The following GALNT13 variants were observed in gnomAD, a reference collection of about 807,000 sequenced individuals.
GALNT13 encodes polypeptide N-acetylgalactosaminyltransferase 13.
In GALNT13, 28 loss-of-function variants were observed where a neutral mutation model predicts 64.2. That is an observed-to-expected ratio of 0.44 (90% CI 0.32 to 0.60). The LOEUF is 0.60. GALNT13 is among the 20% of genes least tolerant of loss of function. The pLI is 0.05. For synonymous variants in GALNT13, 214 were observed against 224.6 expected, an observed-to-expected ratio of 0.95 and a Z score of 0.42; for missense variants, 577 against 669.8, an observed-to-expected ratio of 0.86 and a Z score of 1.53.
At chr2:153,106,057 G>A in the GALNT13 span, among the ~76,000 whole-genome samples, 6 of 152,186 alleles carry the variant, frequency 3.9e-5, no homozygotes, top group East Asian at 1.9e-4. Context: ...GTGCACACCC[G>A]AGTGATGCTT....
the GALNT13 span, among the ~76,000 whole-genome samples, chr2:153,704,987 T>C: frequency 1.3e-5 from 2 of 152,324 alleles, no homozygotes; most frequent in East Asian, 1.9e-4. Flanking sequence ...TCATTTATAC[T>C]GATAGTTAAT....
the GALNT13 span, among the ~76,000 whole-genome samples, chr2:153,819,602 A>G: frequency 2.3e-3 from 357 of 152,332 alleles, 5 homozygotes; most frequent in African/African-American, 8.3e-3. Flanking sequence ...AACACTGTCC[A>G]GCCCTTCACC....
intron 2 of GALNT13, among the ~76,000 whole-genome samples, chr2:153,911,642 A>G (rs1338395856): frequency 1.3e-5 from 2 of 152,134 alleles, no homozygotes; most frequent in Non-Finnish European, 2.9e-5. Context: ...TCTGAAAAGC[A>G]TCTTATTTCT....
At chr2:153,108,227 T>C in the GALNT13 span, among the ~76,000 whole-genome samples, 1 of 152,188 alleles carries the variant, frequency 6.6e-6, no homozygotes, top group Non-Finnish European at 1.5e-5. Context: ...CATTTGTTGC[T>C]ATTGCAATAA....
At chr2:154,298,687 A>ATATATAAATTGTATATATAATT (rs1434599986) in intron 8 of GALNT13, among the ~76,000 whole-genome samples, 1 of 111,044 alleles carries the variant, frequency 9.0e-6, no homozygotes, top group African/African-American at 3.5e-5. Flanking sequence ...TATACAATTT[A>ATATATAAATTGTATATATAATT]TATATACATT....
intron 9 of GALNT13, among the ~76,000 whole-genome samples, chr2:154,320,579 A>G (rs182847974): frequency 6.6e-6 from 1 of 152,284 alleles, no homozygotes; most frequent in African/African-American, 2.4e-5. Flanking sequence ...CTGTGTGGGA[A>G]AAATTTCCAA....
chr2:154,444,506 A>C (rs1701464500), intron 12 of GALNT13, among the ~76,000 whole-genome samples: 1 of 152,148 alleles, frequency 6.6e-6, no homozygotes, highest in Non-Finnish European at 1.5e-5. Flanking sequence ...ACTGACACCC[A>C]TAAAGTATCC....
At chr2:153,256,085 C>T in the GALNT13 span, among the ~76,000 whole-genome samples, 1 of 152,214 alleles carries the variant, frequency 6.6e-6, no homozygotes, top group Admixed American at 6.5e-5. Context: ...TCCATTCTCC[C>T]CATCACTTTC....
the GALNT13 span, among the ~76,000 whole-genome samples, chr2:153,763,627 T>A: frequency 2.6e-5 from 4 of 152,278 alleles, no homozygotes; most frequent in Non-Finnish European, 1.5e-5. Context: ...TCTCTTTCCT[T>A]TATAAATTAC....
the GALNT13 span, among the ~76,000 whole-genome samples, chr2:153,736,069 G>A: frequency 6.6e-6 from 1 of 152,044 alleles, no homozygotes; most frequent in South Asian, 2.1e-4. Flanking sequence ...ATGTTTTTTA[G>A]TCGAAACAAC....
At chr2:153,359,762 G>A in the GALNT13 span, among the ~76,000 whole-genome samples, 3 of 151,318 alleles carry the variant, frequency 2.0e-5, no homozygotes, top group Non-Finnish European at 4.4e-5. Flanking sequence ...ATTTGACAGG[G>A]AATTTAAAAT....
At chr2:154,025,693 C>T (rs567854019) in intron 3 of GALNT13, among the ~76,000 whole-genome samples, 1 of 152,248 alleles carries the variant, frequency 6.6e-6, no homozygotes, top group South Asian at 2.1e-4. Flanking sequence ...ATTAATTACT[C>T]ACTCTGTACC....
chr2:153,648,582 G>C, the GALNT13 span, among the ~76,000 whole-genome samples: 1 of 152,076 alleles, frequency 6.6e-6, no homozygotes, highest in African/African-American at 2.4e-5. Flanking sequence ...TGCCCATTCA[G>C]TATGATATTG....
At chr2:153,432,426 C>G in the GALNT13 span, among the ~76,000 whole-genome samples, 1 of 152,256 alleles carries the variant, frequency 6.6e-6, no homozygotes, top group East Asian at 1.9e-4. Flanking sequence ...TCGAGCTGCA[C>G]AAATTAATCT....
chr2:153,545,107 G>GAA, the GALNT13 span, among the ~76,000 whole-genome samples: 2 of 148,018 alleles, frequency 1.4e-5, no homozygotes, highest in African/African-American at 5.0e-5. Context: ...CAAAGACTCA[G>GAA]AAAAAAAAAA....
the GALNT13 span, among the ~76,000 whole-genome samples, chr2:153,293,127 A>C: frequency 1.3e-5 from 2 of 151,886 alleles, no homozygotes; most frequent in Admixed American, 6.6e-5. Flanking sequence ...ACTTATTATC[A>C]AAACCAACCC....
At chr2:153,685,685 A>C in the GALNT13 span, among the ~76,000 whole-genome samples, 1 of 151,850 alleles carries the variant, frequency 6.6e-6, no homozygotes. Context: ...CCCATTTGTC[A>C]ATTTTTGCTT....
the GALNT13 span, chr2:153,761,930 C>T: frequency 1.6e-5 from 3 of 182,546 alleles, no homozygotes; most frequent in South Asian, 4.0e-4. Context: ...ATGATAATAT[C>T]TCCTGGCTCC....
the GALNT13 span, among the ~76,000 whole-genome samples, chr2:153,442,998 A>T: frequency 1.0e-3 from 153 of 152,186 alleles, 1 homozygote; most frequent in Non-Finnish European, 1.7e-3. Context: ...GCGGGGTGGG[A>T]TCCACTGAGT....
Sources: allele counts gnomAD v4.1 joint callset (sites outside exome capture counted in the v4.1 genomes callset), GRCh38; gene constraint gnomAD v4.1.1; transcripts MANE v1.5; gene names NCBI Gene and HGNC (gene_info 2026-07-23, HGNC 2026-07-21).